TUSC3: variants seen among roughly 807,000 people sequenced by gnomAD.
TUSC3 encodes dolichyl-diphosphooligosaccharide--protein glycosyltransferase subunit TUSC3.
In TUSC3, 45 loss-of-function variants were observed where a neutral mutation model predicts 44.8. The ratio of observed to expected loss-of-function variants is 1.00; its 90% confidence interval spans 0.79 to 1.29. The LOEUF is 1.29. TUSC3 is among the 50% of genes most tolerant of loss of function. The pLI, the probability that TUSC3 is intolerant of heterozygous loss-of-function variation, is 0.00. For missense variants in TUSC3, 519 were observed against 437.9 expected (o/e 1.19, Z -1.65); for synonymous variants, 212 against 152.9 (o/e 1.39, Z -2.85).
At chr8:15,590,171 G>A (rs114936156) in intron 1 of TUSC3, among the ~76,000 whole-genome samples, 3,153 of 152,260 alleles carry the variant, frequency 0.021, 96 homozygotes, top group African/African-American at 0.07. Flanking sequence ...TAATTCCAAT[G>A]TACAGCCTGC....
At chr8:15,634,943 G>C (rs1481800728) in intron 2 of TUSC3, among the ~76,000 whole-genome samples, 1 of 152,156 alleles carries the variant, frequency 6.6e-6, no homozygotes, top group Non-Finnish European at 1.5e-5. Flanking sequence ...CTGCAGGAGG[G>C]CTTAGTGTGA....
At chr8:15,555,065 G>C (rs967668163) in intron 1 of TUSC3, among the ~76,000 whole-genome samples, 1 of 149,912 alleles carries the variant, frequency 6.7e-6, no homozygotes, top group Admixed American at 6.7e-5. Context: ...GTAAGGAATT[G>C]GTTGTTATTT....
At chr8:15,752,111 T>C (rs1310013049) in intron 9 of TUSC3, among the ~76,000 whole-genome samples, 1 of 152,066 alleles carries the variant, frequency 6.6e-6, no homozygotes, top group Non-Finnish European at 1.5e-5. Flanking sequence ...ATCTGTTGTA[T>C]GGAAATAATT....
chr8:15,737,959 T>G (rs552262294), intron 7 of TUSC3, among the ~76,000 whole-genome samples: 24 of 152,330 alleles, frequency 1.6e-4, no homozygotes, highest in Non-Finnish European at 3.1e-4. Flanking sequence ...ACAATGAAAT[T>G]TAAGCTAAAC....
intron 1 of TUSC3, among the ~76,000 whole-genome samples, chr8:15,464,837 C>G (rs1030383873): frequency 4.6e-5 from 7 of 152,058 alleles, no homozygotes; most frequent in African/African-American, 1.7e-4. Context: ...CTGATAACTT[C>G]TTGGAATCCT....
intron 2 of TUSC3, among the ~76,000 whole-genome samples, chr8:15,490,271 G>A (rs936220316): frequency 2.6e-5 from 4 of 152,188 alleles, no homozygotes; most frequent in Non-Finnish European, 1.5e-5. Flanking sequence ...CAGAGGGCAG[G>A]AGACAGAGTC....
intron 1 of TUSC3, among the ~76,000 whole-genome samples, chr8:15,423,972 T>TTTGTTTTG (rs1446472522): frequency 6.9e-3 from 119 of 17,370 alleles, no homozygotes; most frequent in South Asian, 0.016. Flanking sequence ...TTGCTTTGTT[T>TTTGTTTTG]TTTTTTTTTT....
chr8:15,720,489 C>G (rs1473319947), intron 6 of TUSC3, among the ~76,000 whole-genome samples: 1 of 151,960 alleles, frequency 6.6e-6, no homozygotes, highest in Admixed American at 6.6e-5. Context: ...CTTACCAGTG[C>G]CATTTTTATT....
chr8:15,748,691 T>TA lies in TUSC3; in HGVS notation c.1028+227dup, dbSNP rs1007332939. On this transcript the variant is annotated intron_variant, in intron 9 of 10. Coordinates refer to ENST00000503731, the MANE Select transcript of TUSC3 (RefSeq NM_006765.4). ...ACAGCATGTAGTTTCTTTCTAGACA[T>TA]ACATATTTTTATATAACAAATGAGG... The TA allele has an allele frequency of 5.1e-4, 343 of 669,914 alleles. 1 individual carries two copies. Among genetic ancestry groups the TA allele is most frequent in the Non-Finnish European group, 2.8e-4 (99 of 358,856 alleles). The allele number at this position is 669,914 out of a possible 1,614,324, so 41.5% of individuals were successfully genotyped here.
intron 1 of TUSC3, among the ~76,000 whole-genome samples, chr8:15,476,716 G>A (rs538730574): frequency 2.4e-4 from 36 of 152,278 alleles, no homozygotes; most frequent in Non-Finnish European, 4.3e-4. Flanking sequence ...GAGCAGGCCC[G>A]AGCATAGGGG....
At chr8:15,763,733 G>C (rs1029165609) in intron 10 of TUSC3, among the ~76,000 whole-genome samples, 4 of 152,012 alleles carry the variant, frequency 2.6e-5, no homozygotes, top group Non-Finnish European at 4.4e-5. Flanking sequence ...TATGATTCAT[G>C]ATTTGTGTAT....
rs542986783 is a variant in TUSC3, at chr8:15,497,148, C to G, written n.189+13665C>G. 5.3e-5 allele frequency among the ~76,000 whole-genome samples: 8 copies of G among 152,196 alleles called. No individual in the cohort carries two copies. The East Asian group carries it at 1.4e-3, about 26-fold the overall frequency. On this transcript the variant is annotated intron_variant and non_coding_transcript_variant, in intron 2 of 5. Coordinates refer to the TUSC3 transcript ENST00000503191. ...ATAAAAGGTATGGTGGTTGTCGTTT[C>G]AAATTAATGGCGTATTCTTGGTAAG...
chr8:15,767,667 C>T (rs1004746103), downstream of TUSC3, among the ~76,000 whole-genome samples: 3 of 152,082 alleles, frequency 2.0e-5, no homozygotes, highest in Non-Finnish European at 4.4e-5. Flanking sequence ...TTGGAGGGAG[C>T]AGAATAGACC....
At chr8:15,482,115 T>C (rs1800670734) in intron 1 of TUSC3, among the ~76,000 whole-genome samples, 1 of 152,242 alleles carries the variant, frequency 6.6e-6, no homozygotes, top group South Asian at 2.1e-4. Context: ...ATCACTTTCT[T>C]TGTTCATCCC....
chr8:15,477,813 T>G (rs1473484911), intron 1 of TUSC3, among the ~76,000 whole-genome samples: 1 of 152,178 alleles, frequency 6.6e-6, no homozygotes, highest in East Asian at 1.9e-4. Flanking sequence ...CTACATGTGA[T>G]GGTATTGAAT....
intron 10 of TUSC3, among the ~76,000 whole-genome samples, chr8:15,763,624 ATAAAT>A (rs909330072): frequency 3.3e-5 from 5 of 151,996 alleles, no homozygotes; most frequent in South Asian, 4.1e-4. Flanking sequence ...ATTTTGTTTC[ATAAAT>A]TAAAGCTTTG....
In TUSC3 at chr8:15,587,061, C is replaced by G. The variant is rs537617279; in HGVS notation, c.139-36019C>G. 3.3e-5 allele frequency among the ~76,000 whole-genome samples: 5 copies of G among 152,214 alleles called. No homozygotes were observed. The South Asian group carries it at 8.3e-4, about 25-fold the overall frequency. On this transcript the variant is annotated intron_variant, in intron 1 of 10. Coordinates refer to ENST00000503731, the MANE Select transcript of TUSC3 (RefSeq NM_006765.4). ...AGTTTTTCTTACTCCCTTCGACATG[C>G]CTAACATTTTTTCTTCTATTAAGGA...
At chr8:15,473,719 A>T (rs1800529711) in intron 1 of TUSC3, among the ~76,000 whole-genome samples, 1 of 152,172 alleles carries the variant, frequency 6.6e-6, no homozygotes, top group African/African-American at 2.4e-5. Context: ...AAGTACAGGG[A>T]GTGGGTCACA....
intron 1 of TUSC3, among the ~76,000 whole-genome samples, chr8:15,427,222 G>T (rs1253088418): frequency 7.6e-5 from 10 of 132,354 alleles, no homozygotes; most frequent in East Asian, 2.1e-4. Flanking sequence ...GGTGCAGAAG[G>T]TTTTTCCTTT....
Sources: allele counts gnomAD v4.1 joint callset (sites outside exome capture counted in the v4.1 genomes callset), GRCh38; gene constraint gnomAD v4.1.1; transcripts MANE v1.5; gene names NCBI Gene and HGNC (gene_info 2026-07-23, HGNC 2026-07-21).